DAB1: variants seen among roughly 807,000 people sequenced by gnomAD.
DAB1 encodes disabled homolog 1.
A neutral mutation model predicts 64.6 loss-of-function variants in DAB1; 15 were observed. That is an observed-to-expected ratio of 0.23 (90% CI 0.16 to 0.36). DAB1 has a LOEUF of 0.36. Among genes scored for constraint, DAB1 ranks in the 10% least tolerant of loss-of-function variants. The probability of loss-of-function intolerance (pLI) is 1.00; values close to 1 mark genes in which losing one functional copy is unlikely to be tolerated. For missense variants in DAB1, 596 were observed against 706.7 expected, an observed-to-expected ratio of 0.84 and a Z score of 1.78; for synonymous variants, 235 against 251.9, an observed-to-expected ratio of 0.93 and a Z score of 0.64.
downstream of DAB1, among the ~76,000 whole-genome samples, chr1:57,823,429 C>T (rs1182985980): frequency 1.3e-5 from 2 of 151,824 alleles, no homozygotes; most frequent in African/African-American, 4.8e-5. Flanking sequence ...CACACCGGAC[C>T]CCATAAATGT....
chr1:58,156,149 C>T (rs1203817473), intron 4 of DAB1, among the ~76,000 whole-genome samples: 3 of 152,182 alleles, frequency 2.0e-5, no homozygotes, highest in African/African-American at 4.8e-5. Flanking sequence ...TTATTTAGTG[C>T]TATTTATGCC....
intron 4 of DAB1, among the ~76,000 whole-genome samples, chr1:58,232,825 G>A (rs534718135): frequency 3.3e-5 from 5 of 152,200 alleles, no homozygotes; most frequent in East Asian, 3.9e-4. Flanking sequence ...TCACCTTCTC[G>A]GAGCAACCAT....
chr1:58,027,447 T>C (rs1257749349), intron 5 of DAB1, among the ~76,000 whole-genome samples: 1 of 152,218 alleles, frequency 6.6e-6, no homozygotes, highest in Admixed American at 6.5e-5. Context: ...ATAATAATGA[T>C]AGTCAGTGGC....
rs533782389 is a variant in DAB1, at chr1:57,977,718, C to T, written n.388-93556G>A. On this transcript the variant is annotated intron_variant and non_coding_transcript_variant, in intron 5 of 20. Transcript: ENST00000485760. ...GCCTTTGCTGACGACATCCCCCGGA[C>T]CCACCACAAGAATTGCCTTCATCCA... Among the ~76,000 whole-genome samples, 672 of 152,144 alleles carry T rather than the reference C, an allele frequency of 4.4e-3. 5 individuals carry two copies. Among genetic ancestry groups the T allele is most frequent in the African/African-American group, 0.015 (630 of 41,508 alleles).
At chr1:57,162,441 C>A (rs1477631807) in intron 2 of DAB1, among the ~76,000 whole-genome samples, 1 of 152,258 alleles carries the variant, frequency 6.6e-6, no homozygotes, top group Non-Finnish European at 1.5e-5. Context: ...GAACCCCTAA[C>A]TTAGAGCTCT....
chr1:58,022,482 A>G (rs921036759), intron 5 of DAB1, among the ~76,000 whole-genome samples: 1 of 152,170 alleles, frequency 6.6e-6, no homozygotes, highest in Admixed American at 6.5e-5. Flanking sequence ...CAGGAACTTC[A>G]GGCAAGTCCC....
At chr1:57,514,343 A>C (rs1318913404) in intron 7 of DAB1, among the ~76,000 whole-genome samples, 2 of 152,098 alleles carry the variant, frequency 1.3e-5, no homozygotes, top group African/African-American at 2.4e-5. Context: ...CCCAACACTT[A>C]TGTTTCATCT....
intron 5 of DAB1, among the ~76,000 whole-genome samples, chr1:58,125,127 G>A (rs1326559345): frequency 6.6e-6 from 1 of 152,064 alleles, no homozygotes; most frequent in Non-Finnish European, 1.5e-5. Context: ...TGCATTGCAT[G>A]GAATATTAAC....
At chr1:57,008,142 T>C (rs964385675) in intron 14 of DAB1, among the ~76,000 whole-genome samples, 1 of 152,184 alleles carries the variant, frequency 6.6e-6, no homozygotes, top group Admixed American at 6.5e-5. Flanking sequence ...TATTTTGACT[T>C]GCATGTGATT....
chr1:57,850,480 T>A (rs1653471680), intron 1 of DAB1, among the ~76,000 whole-genome samples: 1 of 149,792 alleles, frequency 6.7e-6, no homozygotes. Context: ...ACTGAGAAAA[T>A]GAAACCATTT....
At chr1:57,446,152 G>C (rs1454213514) in intron 7 of DAB1, among the ~76,000 whole-genome samples, 1 of 152,150 alleles carries the variant, frequency 6.6e-6, no homozygotes, top group Non-Finnish European at 1.5e-5. Flanking sequence ...TACATCATCT[G>C]ATTATAAAAC....
intron 5 of DAB1, among the ~76,000 whole-genome samples, chr1:58,021,983 C>G (rs1385182213): frequency 6.6e-6 from 1 of 152,176 alleles, no homozygotes; most frequent in Non-Finnish European, 1.5e-5. Flanking sequence ...TCCTGACCAT[C>G]TGGGAAGGAT....
At chr1:58,480,867 CTTT>C (rs67922378) in intron 3 of DAB1, 6 of 610,630 alleles carry the variant, frequency 9.8e-6, no homozygotes, top group South Asian at 2.4e-5. Flanking sequence ...CCTGAATATC[CTTT>C]TTTTTTTCAC....
intron 7 of DAB1, among the ~76,000 whole-genome samples, chr1:57,644,160 G>T (rs1646164309): frequency 6.6e-6 from 1 of 152,114 alleles, no homozygotes; most frequent in Non-Finnish European, 1.5e-5. Flanking sequence ...AGCCTCTCTA[G>T]CATAGTACTA....
chr1:57,901,554 A>C (rs1569952947), intron 5 of DAB1, among the ~76,000 whole-genome samples: 1 of 151,894 alleles, frequency 6.6e-6, no homozygotes, highest in Admixed American at 6.6e-5. Context: ...ATACCCCAGC[A>C]CCCTAACCCA....
intron 4 of DAB1, among the ~76,000 whole-genome samples, chr1:58,223,259 C>G (rs553967062): frequency 6.6e-6 from 1 of 152,144 alleles, no homozygotes; most frequent in Non-Finnish European, 1.5e-5. Flanking sequence ...CAAAAGTGGC[C>G]CACAAACAGG....
Position 58,189,531 on chromosome 1 carries a change from C to T in DAB1, n.310-38943G>A, listed in dbSNP as rs186495208. 1.8e-3 allele frequency among the ~76,000 whole-genome samples: 276 copies of T among 152,288 alleles called. 2 individuals carry two copies. Among genetic ancestry groups the T allele is most frequent in the Non-Finnish European group, 3.2e-3 (218 of 68,028 alleles). On this transcript the variant is annotated intron_variant and non_coding_transcript_variant, in intron 4 of 20. Coordinates refer to the DAB1 transcript ENST00000485760. ...AACCAGACACCTCCGATGTGCCACT[C>T]AAGATGCACTTAGCTTTTCCTGGCC...
intron 2 of DAB1, among the ~76,000 whole-genome samples, chr1:57,285,433 T>C (rs527487175): frequency 2.3e-4 from 35 of 152,010 alleles, no homozygotes; most frequent in Admixed American, 2.0e-3. Context: ...CACACCCTAT[T>C]TTTGTATTTT....
chr1:57,352,644 A>C (rs1678678166), intron 1 of DAB1, among the ~76,000 whole-genome samples: 1 of 152,180 alleles, frequency 6.6e-6, no homozygotes, highest in African/African-American at 2.4e-5. Flanking sequence ...CACAGAAAGA[A>C]ACTGAAGGAG....
Sources: allele counts gnomAD v4.1 joint callset (sites outside exome capture counted in the v4.1 genomes callset), GRCh38; gene constraint gnomAD v4.1.1; transcripts MANE v1.5; gene names NCBI Gene and HGNC (gene_info 2026-07-23, HGNC 2026-07-21).